The following SKAP1 variants were observed in gnomAD, a reference collection of about 807,000 sequenced individuals.
The protein encoded by SKAP1 is src kinase-associated phosphoprotein 1.
In SKAP1, 44 loss-of-function variants were observed where a neutral mutation model predicts 58.5. The observed-to-expected ratio is 0.75, with a 90% confidence interval of 0.59 to 0.97. SKAP1 has a LOEUF of 0.97. Ranked by LOEUF, SKAP1 falls within the 50% of genes least tolerant of loss-of-function variation. The pLI, the probability that SKAP1 is intolerant of heterozygous loss-of-function variation, is 0.00. For missense variants in SKAP1, 390 were observed against 435.2 expected (o/e 0.90, Z 0.92); for synonymous variants, 127 against 149.7 (o/e 0.85, Z 1.11).
chr17:48,208,356 C>T (rs2064833371), intron 4 of SKAP1, among the ~76,000 whole-genome samples: 1 of 152,126 alleles, frequency 6.6e-6, no homozygotes, highest in South Asian at 2.1e-4. Context: ...ATGAAGGATG[C>T]CTATGCCTGA....
chr17:48,161,615 T>G (rs1047347732), intron 11 of SKAP1, among the ~76,000 whole-genome samples: 1 of 152,228 alleles, frequency 6.6e-6, no homozygotes, highest in Non-Finnish European at 1.5e-5. Context: ...TGTAAGATGG[T>G]TAGCTGGAAC....
At chr17:48,291,439 C>T (rs1374824754) in intron 4 of SKAP1, among the ~76,000 whole-genome samples, 1 of 152,156 alleles carries the variant, frequency 6.6e-6, no homozygotes, top group Admixed American at 6.5e-5. Context: ...ATTCTATATT[C>T]TTAGGTTCCT....
At chr17:48,441,907 T>C in the SKAP1 span, among the ~76,000 whole-genome samples, 1 of 152,206 alleles carries the variant, frequency 6.6e-6, no homozygotes, top group African/African-American at 2.4e-5. Flanking sequence ...CAGAACTCCA[T>C]GATCTCGAAA....
intron 4 of SKAP1, among the ~76,000 whole-genome samples, chr17:48,261,745 T>C (rs1004744896): frequency 2.0e-5 from 3 of 152,168 alleles, no homozygotes; most frequent in Non-Finnish European, 4.4e-5. Flanking sequence ...TCAAAAGGGA[T>C]TTGGTGTCGT....
chr17:48,195,242 TCTC>T (rs1388639379), intron 4 of SKAP1, among the ~76,000 whole-genome samples: 2 of 152,200 alleles, frequency 1.3e-5, no homozygotes, highest in Non-Finnish European at 2.9e-5. Context: ...TTTGCCTTCT[TCTC>T]AATTTTCAGG....
intron 4 of SKAP1, among the ~76,000 whole-genome samples, chr17:48,341,147 C>T (rs2066645587): frequency 6.6e-6 from 1 of 152,110 alleles, no homozygotes; most frequent in Non-Finnish European, 1.5e-5. Context: ...ATGGAAAGCA[C>T]TTAGTAAAGA....
At chr17:48,157,288 C>T (rs146547859) in intron 11 of SKAP1, among the ~76,000 whole-genome samples, 4 of 150,700 alleles carry the variant, frequency 2.7e-5, no homozygotes, top group Non-Finnish European at 5.9e-5. Flanking sequence ...CAAGCTGGAG[C>T]GCAGTGGCGT....
chr17:48,372,024 G>A (rs2067094045), intron 2 of SKAP1, among the ~76,000 whole-genome samples: 1 of 152,062 alleles, frequency 6.6e-6, no homozygotes, highest in Non-Finnish European at 1.5e-5. Flanking sequence ...CCAGGCTGGA[G>A]TGCAGTGCAC....
the SKAP1 span, among the ~76,000 whole-genome samples, chr17:48,444,500 T>A: frequency 1.3e-5 from 2 of 152,252 alleles, no homozygotes; most frequent in East Asian, 3.8e-4. Context: ...TAGAAAGTGC[T>A]AGGCAAACGT....
intron 4 of SKAP1, among the ~76,000 whole-genome samples, chr17:48,210,871 C>T (rs1336971394): frequency 1.3e-5 from 2 of 152,162 alleles, no homozygotes; most frequent in Non-Finnish European, 2.9e-5. Context: ...TTACCCTGCT[C>T]GGTTTGTCCT....
At chr17:48,246,832 T>C (rs1215990411) in intron 4 of SKAP1, among the ~76,000 whole-genome samples, 2 of 152,232 alleles carry the variant, frequency 1.3e-5, no homozygotes, top group East Asian at 3.8e-4. Flanking sequence ...CTTGGGTGCA[T>C]AACTTATCTC....
intron 11 of SKAP1, among the ~76,000 whole-genome samples, chr17:48,146,721 C>T (rs189190405): frequency 2.6e-5 from 4 of 151,824 alleles, no homozygotes; most frequent in Admixed American, 6.6e-5. Flanking sequence ...CTCTGCCTCC[C>T]GGGTTCAAGC....
At chr17:48,272,024 A>G (rs1420948724) in intron 4 of SKAP1, among the ~76,000 whole-genome samples, 1 of 152,226 alleles carries the variant, frequency 6.6e-6, no homozygotes, top group Non-Finnish European at 1.5e-5. Flanking sequence ...ATAACATTTT[A>G]CTGGATAGAT....
chr17:48,430,070 G>A lies in SKAP1; in HGVS notation c.46+5C>T. The A allele has an allele frequency of 7.9e-7, 1 of 1,264,968 alleles. No individual in the cohort carries two copies. Among genetic ancestry groups the A allele is most frequent in the Non-Finnish European group, 1.0e-6 (1 of 997,078 alleles). 78.4% of individuals were successfully genotyped at this position (1,264,968 alleles called of 1,614,324 possible). On this transcript the variant is annotated splice_donor_5th_base_variant and intron_variant, in intron 1 of 12. Coordinates refer to ENST00000336915, the MANE Select transcript of SKAP1 (RefSeq NM_003726.4). ...CACTGGAGGGGGCCTGCGCCAGGGC[G>A]TTACCTTCCAGGAGCCAACGGATCT...
At chr17:48,403,677 C>T (rs2067531402) in intron 1 of SKAP1, among the ~76,000 whole-genome samples, 1 of 152,072 alleles carries the variant, frequency 6.6e-6, no homozygotes, top group Non-Finnish European at 1.5e-5. Context: ...CTAAGAATTC[C>T]AAGCATAGTC....
upstream of SKAP1, among the ~76,000 whole-genome samples, chr17:48,435,228 C>CTT (rs1002810051): frequency 4.1e-5 from 6 of 145,216 alleles, no homozygotes; most frequent in Admixed American, 4.1e-4. Flanking sequence ...GTTCCCAATC[C>CTT]TTTTTTTTTT....
At chr17:48,353,773 G>A (rs549306411) in intron 3 of SKAP1, among the ~76,000 whole-genome samples, 6 of 151,936 alleles carry the variant, frequency 3.9e-5, no homozygotes, top group South Asian at 2.1e-4. Flanking sequence ...GCAGGTGCCT[G>A]TAATCCCAGC....
At chr17:48,366,655 A>G (rs866754268) in intron 2 of SKAP1, among the ~76,000 whole-genome samples, 5 of 152,114 alleles carry the variant, frequency 3.3e-5, no homozygotes, top group Admixed American at 1.3e-4. Context: ...ACCACGAAGA[A>G]TTTTCCATAA....
intron 2 of SKAP1, among the ~76,000 whole-genome samples, chr17:48,379,991 A>G (rs765263442): frequency 2.6e-5 from 4 of 152,114 alleles, no homozygotes; most frequent in Non-Finnish European, 5.9e-5. Flanking sequence ...CTAAAGTATC[A>G]TTCTTACCCA....
Sources: gnomAD v4.1 joint callset for allele counts (sites outside exome capture counted in the v4.1 genomes callset) on GRCh38, gnomAD v4.1.1 for gene constraint, MANE v1.5 for transcripts, NCBI Gene and HGNC (gene_info 2026-07-23, HGNC 2026-07-21) for gene names.